CSMD1: variants seen among roughly 807,000 people sequenced by gnomAD.
The protein encoded by CSMD1 is CUB and Sushi multiple domains 1.
Under a neutral mutation model 417.5 loss-of-function variants are expected in CSMD1, and 213 were observed. The observed-to-expected ratio is 0.51, with a 90% confidence interval of 0.46 to 0.57. The LOEUF is 0.57. Ranked by LOEUF, CSMD1 falls within the 20% of genes least tolerant of loss-of-function variation. CSMD1 has a pLI of 0.00. For synonymous variants in CSMD1, 2,862 were observed against 1,736.8 expected (o/e 1.65, Z -16.11); for missense variants, 6,923 against 4,529.7 (o/e 1.53, Z -15.17).
At chr8:3,681,156 C>G (rs1399572341) in intron 7 of CSMD1, among the ~76,000 whole-genome samples, 1 of 152,138 alleles carries the variant, frequency 6.6e-6, no homozygotes, top group Non-Finnish European at 1.5e-5. Context: ...TTTCACCACT[C>G]CTATTCAACA....
At chr8:3,416,438 A>G (rs73657869) in intron 12 of CSMD1, among the ~76,000 whole-genome samples, 2,642 of 152,282 alleles carry the variant, frequency 0.017, 54 homozygotes, top group East Asian at 0.096. Flanking sequence ...AAATAAATGA[A>G]TGTGGACTAT....
chr8:3,846,552 A>G (rs897127106), intron 5 of CSMD1, among the ~76,000 whole-genome samples: 1 of 152,254 alleles, frequency 6.6e-6, no homozygotes, highest in African/African-American at 2.4e-5. Context: ...GCTAGAGCAT[A>G]TGAAATGTTT....
intron 1 of CSMD1, among the ~76,000 whole-genome samples, chr8:4,882,523 G>T (rs561714790): frequency 2.0e-5 from 3 of 151,768 alleles, no homozygotes; most frequent in African/African-American, 7.3e-5. Flanking sequence ...CTCTCCCACA[G>T]GTAATGGTTT....
At chr8:4,695,231 T>C (rs1425508343) in intron 1 of CSMD1, among the ~76,000 whole-genome samples, 1 of 152,202 alleles carries the variant, frequency 6.6e-6, no homozygotes, top group African/African-American at 2.4e-5. Flanking sequence ...GCCTGTCTTC[T>C]GAAGGTTTCC....
At chr8:4,579,881 C>T (rs929860920) in intron 2 of CSMD1, among the ~76,000 whole-genome samples, 1 of 152,124 alleles carries the variant, frequency 6.6e-6, no homozygotes, top group Non-Finnish European at 1.5e-5. Flanking sequence ...ACCTAGTTTT[C>T]CTAAGTCTTA....
chr8:4,493,577 G>A (rs1003635740), intron 2 of CSMD1, among the ~76,000 whole-genome samples: 4 of 152,098 alleles, frequency 2.6e-5, no homozygotes, highest in African/African-American at 9.7e-5. Flanking sequence ...GCATGCACCT[G>A]TAGTCCCGGC....
At chr8:3,589,385 T>TGC (rs1800746004) in intron 8 of CSMD1, among the ~76,000 whole-genome samples, 2 of 146,270 alleles carry the variant, frequency 1.4e-5, no homozygotes, top group African/African-American at 2.7e-5. Flanking sequence ...ATGTGGTGTG[T>TGC]GTGTGTGTGT....
chr8:4,606,876 T>A lies in CSMD1; in HGVS notation c.302+30466A>T, dbSNP rs188644482. On this transcript the variant is annotated intron_variant, in intron 2 of 69. Coordinates refer to ENST00000635120, the MANE Select transcript of CSMD1 (RefSeq NM_033225.6). ...ATTAAAGTGAAATCACAAAAATAAC[T>A]CAAACCGTGAACTTTCTCCCCATTA... is the stretch of plus-strand genomic sequence containing the variant. Among the ~76,000 whole-genome samples the A allele has an allele frequency of 7.9e-5, 12 of 152,256 alleles. 2 individuals are homozygous for A. Among genetic ancestry groups the A allele is most frequent in the African/African-American group, 2.9e-4 (12 of 41,560 alleles).
intron 5 of CSMD1, among the ~76,000 whole-genome samples, chr8:3,953,955 G>C (rs1047255298): frequency 2.0e-5 from 3 of 152,208 alleles, no homozygotes; most frequent in Admixed American, 2.0e-4. Flanking sequence ...TCTCGCCTTA[G>C]GCTGGGAGCG....
Position 4,003,517 on chromosome 8 carries a change from C to G in CSMD1, c.611-5407G>C, listed in dbSNP as rs149842085. 7.7e-3 allele frequency among the ~76,000 whole-genome samples: 1,179 copies of G among 152,138 alleles called. 59 individuals carry two copies. The East Asian group carries it at 0.13, about 17-fold the overall frequency. ...ATGGCAATTTAAATAAGAGTGAATT[C>G]TAGAACAAACCAAAATTAAAAACAA... On this transcript the variant is annotated intron_variant, in intron 4 of 69. Coordinates refer to ENST00000635120, the MANE Select transcript of CSMD1 (RefSeq NM_033225.6).
chr8:3,997,981 G>C lies in CSMD1; in HGVS notation c.740C>G (p.Ala247Gly). 1 of 1,610,908 alleles carries C rather than the reference G, an allele frequency of 6.2e-7. No individual in the cohort carries two copies. Among genetic ancestry groups the C allele is most frequent in the Non-Finnish European group, 8.5e-7 (1 of 1,178,490 alleles). ...TILAEPGDTI[A>G]LVFTDFQLEE... ...TAGCTGAAAGTCAGTGAAGACCAGC[G>C]CAATGGTGTCCCCGGGCTCAGCCAG... is the stretch of plus-strand genomic sequence containing the variant. The change falls in exon 5 of 70, where the codon GCG (alanine) becomes GGG (glycine). Residue 247 changes from alanine (A) to glycine (G), a missense_variant. Ala to Gly is a moderately conservative substitution (Grantham distance 60, BLOSUM62 0). Coordinates refer to ENST00000635120, the MANE Select transcript of CSMD1 (RefSeq NM_033225.6).
Position 3,225,926 on chromosome 8 carries a change from A to G in CSMD1, c.4346-2059T>C, listed in dbSNP as rs555075553. Among the ~76,000 whole-genome samples, 12 of 152,358 alleles carry G rather than the reference A, an allele frequency of 7.9e-5. No individual in the cohort carries two copies. In the South Asian group the frequency reaches 2.5e-3, roughly 32 times the overall value. ...AGCAAATTCTCCAGAAGGAATAGAC[A>G]AAGAGATAAAATCCACCTATTCTTT... On this transcript the variant is annotated intron_variant, in intron 27 of 69. Transcript: ENST00000635120.
At chr8:4,833,535 A>T (rs1013646652) in intron 1 of CSMD1, among the ~76,000 whole-genome samples, 1 of 152,218 alleles carries the variant, frequency 6.6e-6, no homozygotes, top group Non-Finnish European at 1.5e-5. Flanking sequence ...ACCCACTAAC[A>T]GTTGCTGTTA....
intron 3 of CSMD1, among the ~76,000 whole-genome samples, chr8:4,313,297 G>T (rs1047539507): frequency 1.3e-5 from 2 of 152,042 alleles, no homozygotes; most frequent in African/African-American, 2.4e-5. Flanking sequence ...CGAAGAATCT[G>T]GTTAATAGCT....
intron 20 of CSMD1, among the ~76,000 whole-genome samples, chr8:3,362,501 C>T (rs1227092053): frequency 6.6e-6 from 1 of 152,222 alleles, no homozygotes; most frequent in Admixed American, 6.5e-5. Flanking sequence ...CTCCTCCTAA[C>T]TCACTGGACC....
rs528027759 is a variant in CSMD1, at chr8:4,896,357, C to A, written c.85+97975G>T. ...CTTTAATCTGCATATTTGAGCTTAA[C>A]ACAGGGAGCATTGCTTTTGCATTTT... On this transcript the variant is annotated intron_variant, in intron 1 of 69. Coordinates refer to ENST00000635120, the MANE Select transcript of CSMD1 (RefSeq NM_033225.6). 3.3e-5 allele frequency among the ~76,000 whole-genome samples: 5 copies of A among 152,172 alleles called. No individual in the cohort carries two copies. In the South Asian group the frequency reaches 1.0e-3, roughly 32 times the overall value.
intron 1 of CSMD1, among the ~76,000 whole-genome samples, chr8:4,818,736 C>T (rs1451663006): frequency 6.6e-6 from 1 of 152,166 alleles, no homozygotes; most frequent in Non-Finnish European, 1.5e-5. Context: ...CAAATGCAAA[C>T]ATAACTCATA....
intron 1 of CSMD1, among the ~76,000 whole-genome samples, chr8:4,801,973 G>A (rs1399166838): frequency 6.6e-6 from 1 of 152,102 alleles, no homozygotes; most frequent in Non-Finnish European, 1.5e-5. Context: ...CATATTTACT[G>A]CATCCATCAT....
intron 20 of CSMD1, among the ~76,000 whole-genome samples, chr8:3,361,904 C>A (rs1809210564): frequency 6.6e-6 from 1 of 152,080 alleles, no homozygotes; most frequent in African/African-American, 2.4e-5. Flanking sequence ...CTTGATTAGG[C>A]TTTCTAAGGA....
Sources: gnomAD v4.1 joint callset for allele counts (sites outside exome capture counted in the v4.1 genomes callset) on GRCh38, gnomAD v4.1.1 for gene constraint, MANE v1.5 for transcripts, NCBI Gene and HGNC (gene_info 2026-07-23, HGNC 2026-07-21) for gene names.